Variants in KMT5B observed in about 807,000 individuals in gnomAD.
The protein encoded by KMT5B is histone-lysine N-methyltransferase KMT5B.
In KMT5B, 10 loss-of-function variants were observed where a neutral mutation model predicts 83.2. The observed-to-expected ratio is 0.12, with a 90% CI of 0.07 to 0.20. The LOEUF is 0.20. KMT5B is among the 10% of genes least tolerant of loss of function. The probability of loss-of-function intolerance (pLI) is 1.00; values close to 1 mark genes in which losing one functional copy is unlikely to be tolerated. For missense variants in KMT5B, 753 were observed against 1,067.2 expected (o/e 0.71, Z 4.10); for synonymous variants, 349 against 388.8 (o/e 0.90, Z 1.20).
intron 1 of KMT5B, among the ~76,000 whole-genome samples, chr11:68,204,623 T>G (rs559532351): frequency 7.7e-6 from 1 of 129,058 alleles, no homozygotes; most frequent in African/African-American, 3.2e-5. Context: ...TTTTTTTTTT[T>G]TTTTTTTTTT....
At position 68,192,242 on chromosome 11, in the gene KMT5B, T is replaced by C. The variant is rs112276717; in HGVS notation, c.-76-2090A>G. On this transcript the variant is annotated intron_variant, in intron 1 of 10. Transcript: ENST00000304363. ...GATAACAAAATCACCTAAACTCACA[T>C]TTCTCAGAATGTGTGGTATCCCTGT... 6.1e-3 allele frequency among the ~76,000 whole-genome samples: 927 copies of C among 152,344 alleles called. 8 individuals are homozygous for C. The highest frequency in any genetic ancestry group is 0.02 in the African/African-American group (846 of 41,578).
chr11:68,192,426 CCTTG>C (rs1264594666), intron 1 of KMT5B, among the ~76,000 whole-genome samples: 26 of 152,262 alleles, frequency 1.7e-4, no homozygotes, highest in African/African-American at 5.8e-4. Flanking sequence ...CTGACTTGTT[CCTTG>C]CTTGTGTTTA....
intron 2 of KMT5B, 28 bp downstream of exon 2, chr11:68,189,889 A>G (rs1392453736): frequency 6.3e-7 from 1 of 1,597,262 alleles, no homozygotes; most frequent in Non-Finnish European, 8.5e-7. Flanking sequence ...TCACAATCAG[A>G]ACATTGAAGG....
chr11:68,163,503 A>C (rs1056937946), intron 10 of KMT5B, among the ~76,000 whole-genome samples: 1 of 152,216 alleles, frequency 6.6e-6, no homozygotes, highest in African/African-American at 2.4e-5. Context: ...GGTGTCCTCA[A>C]AATCATAAGG....
chr11:68,213,029 G>A (rs1479505389), intron 1 of KMT5B, 109 bp downstream of exon 1: 2 of 29,498 alleles, frequency 6.8e-5, no homozygotes, highest in African/African-American at 2.7e-4. Flanking sequence ...CCCTGGCCCC[G>A]GAGCCCTGCG....
chr11:68,155,838 T>TC lies in KMT5B; in HGVS notation c.*1849dup, dbSNP rs1276875717. The TC allele has an allele frequency of 1.3e-5, 2 of 152,176 alleles. No individual in the cohort carries two copies. The highest frequency in any genetic ancestry group is 2.9e-5 in the Non-Finnish European group (2 of 68,062). 9.4% of individuals were successfully genotyped at this position (152,176 alleles called of 1,614,324 possible). A position where few individuals can be genotyped will look rare whatever the true frequency, so the allele number is the denominator to read the frequency against. The stretch of plus-strand genomic sequence containing the variant: ...GGGTATGGGTGGGTGTGGAAGAAGG[T>TC]CTACCACATGCTTTCCAAACGCCTG... On this transcript the variant is annotated 3_prime_UTR_variant, in exon 11 of 11. Coordinates refer to ENST00000304363, the MANE Select transcript of KMT5B (RefSeq NM_017635.5).
intron 1 of KMT5B, among the ~76,000 whole-genome samples, chr11:68,203,213 A>T (rs535388737): frequency 3.3e-5 from 5 of 152,226 alleles, no homozygotes; most frequent in Middle Eastern, 3.4e-3. Context: ...TGACCTCGTG[A>T]TCTGCCTGCC....
At chr11:68,201,687 C>T (rs1304867194) in intron 1 of KMT5B, among the ~76,000 whole-genome samples, 2 of 151,960 alleles carry the variant, frequency 1.3e-5, no homozygotes, top group African/African-American at 4.8e-5. Flanking sequence ...AGTTGACATG[C>T]TGAACTTGTC....
chr11:68,167,528 C>T (rs964673167), intron 9 of KMT5B, among the ~76,000 whole-genome samples: 1 of 150,838 alleles, frequency 6.6e-6, no homozygotes, highest in African/African-American at 2.4e-5. Flanking sequence ...GATCATGGCT[C>T]ACTGCAGCCT....
At chr11:68,210,158 T>C (rs1216829250) in intron 1 of KMT5B, among the ~76,000 whole-genome samples, 1 of 152,190 alleles carries the variant, frequency 6.6e-6, no homozygotes, top group Non-Finnish European at 1.5e-5. Flanking sequence ...ACTGTTTTCT[T>C]TAGTGTGCTA....
chr11:68,206,333 A>T (rs1233153521), intron 1 of KMT5B, among the ~76,000 whole-genome samples: 1 of 152,226 alleles, frequency 6.6e-6, no homozygotes, highest in Non-Finnish European at 1.5e-5. Flanking sequence ...AATGACTGTA[A>T]GTACAGCCTT....
intron 1 of KMT5B, among the ~76,000 whole-genome samples, chr11:68,204,458 T>C (rs1214498600): frequency 6.6e-6 from 1 of 152,162 alleles, no homozygotes; most frequent in Non-Finnish European, 1.5e-5. Context: ...ACTGGAGTGA[T>C]GTGGCCACAG....
intron 4 of KMT5B, chr11:68,179,612 G>A: frequency 1.5e-6 from 2 of 1,290,320 alleles, no homozygotes; most frequent in Non-Finnish European, 2.0e-6. Context: ...ACAATCAAGA[G>A]CTGACTGGAG....
At chr11:68,181,960 C>T (rs796088182) in intron 3 of KMT5B, among the ~76,000 whole-genome samples, 4 of 152,280 alleles carry the variant, frequency 2.6e-5, no homozygotes, top group African/African-American at 9.6e-5. Context: ...CTAACCAGGG[C>T]AACAGAATCG....
intron 2 of KMT5B, 64 bp from the exon 3 acceptor site, chr11:68,185,992 CT>C (rs781541488): frequency 1.1e-4 from 165 of 1,453,834 alleles, no homozygotes; most frequent in South Asian, 5.0e-4. Context: ...GCCTTAAAAT[CT>C]TTAGCGGCAT....
chr11:68,211,759 C>G (rs1165246723), intron 1 of KMT5B, among the ~76,000 whole-genome samples: 1 of 152,098 alleles, frequency 6.6e-6, no homozygotes, highest in Non-Finnish European at 1.5e-5. Context: ...CCGGGCAGGG[C>G]ACGGCCGACA....
chr11:68,159,067 A>G lies in KMT5B; in HGVS notation c.1279T>C (p.Ser427Pro). ...RIPASSNSTS[S>P]KLTHINNSRV... is the part of the protein sequence containing the mutation. ...GAATTATTTATATGAGTTAGCTTAG[A>G]TGAGGTAGAGTTGGAAGAAGCTGGA... Residue 427 changes from serine to proline, a missense_variant, in exon 11 of 11, where the codon TCT (serine) becomes CCT (proline). Ser to Pro is a moderately conservative substitution (Grantham distance 74). Coordinates refer to ENST00000304363, the MANE Select transcript of KMT5B (RefSeq NM_017635.5). 1 of 1,612,778 alleles carries G rather than the reference A, an allele frequency of 6.2e-7. No homozygotes were observed. The highest frequency in any genetic ancestry group is 8.5e-7 in the Non-Finnish European group (1 of 1,179,742).
intron 10 of KMT5B, among the ~76,000 whole-genome samples, chr11:68,160,030 T>C (rs1172990430): frequency 2.6e-5 from 4 of 152,260 alleles, no homozygotes; most frequent in African/African-American, 9.6e-5. Context: ...GTGATGAATA[T>C]GATTCCATTT....
At chr11:68,178,229 T>G (rs933566827) in intron 4 of KMT5B, among the ~76,000 whole-genome samples, 1 of 152,244 alleles carries the variant, frequency 6.6e-6, no homozygotes, top group Non-Finnish European at 1.5e-5. Flanking sequence ...GTTATAGACC[T>G]GGAATGAAAC....
Sources: allele counts gnomAD v4.1 joint callset (sites outside exome capture counted in the v4.1 genomes callset), GRCh38; gene constraint gnomAD v4.1.1; transcripts MANE v1.5; gene names NCBI Gene and HGNC (gene_info 2026-07-23, HGNC 2026-07-21).